PCGF3: variants seen among roughly 807,000 people sequenced by gnomAD.
The protein encoded by PCGF3 is polycomb group RING finger protein 3.
PCGF3 carries 7 observed loss-of-function variants against 33.1 expected under a neutral mutation model. The observed-to-expected ratio is 0.21, with a 90% CI of 0.12 to 0.40. The LOEUF is 0.40. Ranked by LOEUF, PCGF3 falls within the 10% of genes least tolerant of loss-of-function variation. PCGF3 has a pLI of 1.00. For synonymous variants in PCGF3, 153 were observed against 121.3 expected, an observed-to-expected ratio of 1.26 and a Z score of -1.72; for missense variants, 211 against 313.3, an observed-to-expected ratio of 0.67 and a Z score of 2.46.
chr4:719,232 T>C (rs962513374), intron 1 of PCGF3, among the ~76,000 whole-genome samples: 1 of 152,304 alleles, frequency 6.6e-6, no homozygotes, highest in African/African-American at 2.4e-5. Flanking sequence ...GGATTACAGG[T>C]GTGAGCCACC....
chr4:741,173 C>T (rs188817902), intron 6 of PCGF3, among the ~76,000 whole-genome samples: 3 of 152,300 alleles, frequency 2.0e-5, no homozygotes, highest in East Asian at 1.9e-4. Flanking sequence ...TAGACACCAG[C>T]AATATTCCCT....
chr4:762,811 G>T (rs933019169), intron 9 of PCGF3: 1 of 152,214 alleles, frequency 6.6e-6, no homozygotes, highest in African/African-American at 2.4e-5. Flanking sequence ...ACACCACCTC[G>T]TGATAATTTC....
At chr4:722,693 T>TCGCC (rs1743145604) in intron 1 of PCGF3, among the ~76,000 whole-genome samples, 1 of 105,184 alleles carries the variant, frequency 9.5e-6, no homozygotes, top group Admixed American at 9.7e-5. Context: ...ACTCGCGTCA[T>TCGCC]CACCTGTCTG....
intron 1 of PCGF3, among the ~76,000 whole-genome samples, chr4:719,856 C>G (rs573620619): frequency 6.6e-6 from 1 of 152,174 alleles, no homozygotes; most frequent in Admixed American, 6.5e-5. Flanking sequence ...GGGACCCTAG[C>G]CCAGCTCCTC....
intron 9 of PCGF3, 120 bp downstream of exon 9, chr4:761,536 A>G (rs1202424632): frequency 1.4e-6 from 2 of 1,423,632 alleles, no homozygotes; most frequent in Admixed American, 2.4e-5. Flanking sequence ...TTAACCAGAA[A>G]AAAATCCGTT....
At chr4:754,856 G>A (rs1373312693) in intron 8 of PCGF3, among the ~76,000 whole-genome samples, 1 of 152,232 alleles carries the variant, frequency 6.6e-6, no homozygotes, top group Admixed American at 6.5e-5. Flanking sequence ...CAGAGGCCCA[G>A]GCAGGTGGCG....
intron 8 of PCGF3, among the ~76,000 whole-genome samples, chr4:753,252 C>T (rs1417635327): frequency 6.6e-6 from 1 of 152,226 alleles, no homozygotes; most frequent in Non-Finnish European, 1.5e-5. Context: ...GGTGCAATCT[C>T]AGCTCCCTGC....
exon 11 of PCGF3, chr4:766,303 C>CCCCCG: frequency 4.1e-6 from 2 of 492,836 alleles, no homozygotes; most frequent in Non-Finnish European, 7.3e-6. Context: ...ATCGTCCTCT[C>CCCCCG]CCCCGCCCCA....
intron 1 of PCGF3, among the ~76,000 whole-genome samples, chr4:708,727 G>A (rs1373110933): frequency 1.3e-5 from 2 of 152,220 alleles, no homozygotes; most frequent in African/African-American, 4.8e-5. Context: ...TCAAGGTCAT[G>A]TGAGTGCCCC....
At chr4:728,726 T>A (rs1209093721) in intron 1 of PCGF3, among the ~76,000 whole-genome samples, 1 of 152,180 alleles carries the variant, frequency 6.6e-6, no homozygotes, top group African/African-American at 2.4e-5. Flanking sequence ...GTCTGAGAAC[T>A]CCTGTCAGGA....
chr4:720,945 C>T lies in PCGF3; in HGVS notation c.-189-9685C>T, dbSNP rs981946630. The stretch of plus-strand genomic sequence containing the variant: ...TCCTGGGCGGGTTTCACCACTTGGA[C>T]GGGAGCTCTGGCATGGTCCAGGGAG... On this transcript the variant is annotated intron_variant, in intron 1 of 10. Transcript: ENST00000362003. The surrounding 1 kb of genome is among the most constrained non-coding windows in gnomAD (Gnocchi z 5.6). Among the ~76,000 whole-genome samples, 4 of 152,058 alleles carry T rather than the reference C, an allele frequency of 2.6e-5. No homozygotes were observed. The highest frequency in any genetic ancestry group is 2.1e-4 in the South Asian group (1 of 4,818).
chr4:733,385 T>C (rs1743698420), intron 3 of PCGF3, among the ~76,000 whole-genome samples: 1 of 152,190 alleles, frequency 6.6e-6, no homozygotes, highest in Non-Finnish European at 1.5e-5. Flanking sequence ...TGGACCCTCC[T>C]CAGTCCTCAC....
intron 6 of PCGF3, among the ~76,000 whole-genome samples, chr4:738,997 C>T (rs1222307263): frequency 6.6e-6 from 1 of 152,206 alleles, no homozygotes; most frequent in Non-Finnish European, 1.5e-5. Context: ...CCTTGCTGCA[C>T]CTGCTGCTCC....
chr4:712,754 C>CT (rs1266536255), intron 1 of PCGF3, among the ~76,000 whole-genome samples: 1 of 152,204 alleles, frequency 6.6e-6, no homozygotes, highest in African/African-American at 2.4e-5. Context: ...CCAATAAACT[C>CT]TAATATTTAG....
At chr4:761,242 C>G in intron 8 of PCGF3, 37 bp from the exon 9 acceptor site, 1 of 1,517,500 alleles carries the variant, frequency 6.6e-7, no homozygotes, top group Non-Finnish European at 8.8e-7. Context: ...CCGGGGGAAC[C>G]CTCCTGCTGC....
rs1023412732 is a variant in PCGF3 at position 734,576 on chromosome 4, A to G, written c.110-355A>G. On this transcript the variant is annotated intron_variant, in intron 4 of 10. Coordinates refer to ENST00000362003, the Ensembl canonical transcript of PCGF3. ...TTTTATCTAGTTGTACGTAGAAGAT[A>G]CTGTCATCTTTTAGGACAAAGTATT... The G allele has an allele frequency of 5.2e-6, 6 of 1,163,932 alleles. No homozygotes were observed. In the Middle Eastern group the frequency reaches 1.5e-3, roughly 282 times the overall value. 72.1% of individuals were successfully genotyped at this position (1,163,932 alleles called of 1,614,324 possible).
At chr4:722,751 T>G (rs1743155183) in intron 1 of PCGF3, among the ~76,000 whole-genome samples, 1 of 65,786 alleles carries the variant, frequency 1.5e-5, no homozygotes, top group Non-Finnish European at 2.7e-5. Context: ...GGGTCCACAC[T>G]CGCGACATCG....
rs370633173 is a variant in PCGF3 at position 720,256 on chromosome 4, C to T, written c.-189-10374C>T. Among the ~76,000 whole-genome samples the T allele has an allele frequency of 4.6e-5, 7 of 152,024 alleles. No homozygotes were observed. Among genetic ancestry groups the T allele is most frequent in the African/African-American group, 1.2e-4 (5 of 41,396 alleles). ...CTGGGGAGGGTGACCGCGGGAGGAG[C>T]GCCCGTGCATCGCTGCAGAGGGTGA... On this transcript the variant is annotated intron_variant, in intron 1 of 10. Transcript: ENST00000362003. The surrounding 1 kb of genome is among the most constrained non-coding windows in gnomAD (Gnocchi z 5.6).
At chr4:725,511 G>T (rs920391147) in intron 1 of PCGF3, among the ~76,000 whole-genome samples, 1 of 152,052 alleles carries the variant, frequency 6.6e-6, no homozygotes. Flanking sequence ...CGGGCTCTGC[G>T]CTGTGGCTCC....
Sources: allele counts gnomAD v4.1 joint callset (sites outside exome capture counted in the v4.1 genomes callset), GRCh38; gene constraint gnomAD v4.1.1; non-coding constraint Gnocchi (gnomAD v3.1); transcripts MANE v1.5; gene names NCBI Gene and HGNC (gene_info 2026-07-23, HGNC 2026-07-21).